Variants in CHD7 observed in about 807,000 individuals in gnomAD.
CHD7 encodes the protein chromodomain helicase DNA binding protein 7.
CHD7 carries 24 observed loss-of-function variants against 307.3 expected under a neutral mutation model. The observed-to-expected ratio is 0.08, with a 90% CI of 0.06 to 0.11. The LOEUF (loss-of-function observed/expected upper bound fraction) is 0.11. CHD7 is among the 10% of genes least tolerant of loss of function. The pLI, the probability that CHD7 is intolerant of heterozygous loss-of-function variation, is 1.00. For missense variants in CHD7, 3,106 were observed against 3,727.1 expected, an observed-to-expected ratio of 0.83 and a Z score of 4.34; for synonymous variants, 1,363 against 1,349.9, an observed-to-expected ratio of 1.01 and a Z score of -0.21.
rs369931146 is a variant in CHD7 at position 60,800,549 on chromosome 8, T to C, written c.2376+24T>C. The C allele has an allele frequency of 2.0e-5, 31 of 1,555,238 alleles. No individual in the cohort carries two copies. The African/African-American group carries it at 4.8e-4, about 24-fold the overall frequency. On this transcript the variant is annotated intron_variant, in intron 5 of 37. Coordinates refer to ENST00000423902, the MANE Select transcript of CHD7 (RefSeq NM_017780.4). ...AGGTTAGTACCAGATCTGTGGGATT[T>C]ATGGATGCATTTTAAAGATGGACTA...
At chr8:60,712,324 G>T (rs916216202) in intron 1 of CHD7, among the ~76,000 whole-genome samples, 1 of 152,110 alleles carries the variant, frequency 6.6e-6, no homozygotes, top group Non-Finnish European at 1.5e-5. Context: ...GTGGTGTTTG[G>T]TATCATTCTA....
intron 31 of CHD7, 26 bp downstream of exon 31, chr8:60,853,526 C>T: frequency 6.7e-7 from 1 of 1,483,606 alleles, no homozygotes; most frequent in Non-Finnish European, 9.0e-7. Flanking sequence ...TGGCCCCTCT[C>T]CTGACCCTGC....
chr8:60,793,952 G>A (rs1036253368), intron 3 of CHD7, among the ~76,000 whole-genome samples: 3 of 152,018 alleles, frequency 2.0e-5, no homozygotes, highest in Non-Finnish European at 4.4e-5. Context: ...GTGAAAGCCC[G>A]TCTCTACTAA....
At chr8:60,762,344 TCTC>T (rs2150623662) in intron 2 of CHD7, among the ~76,000 whole-genome samples, 2 of 152,258 alleles carry the variant, frequency 1.3e-5, no homozygotes, top group East Asian at 3.9e-4. Context: ...GGTCTGGGCT[TCTC>T]CTCCACACCA....
intron 12 of CHD7, 54 bp from the exon 13 acceptor site, chr8:60,823,786 A>G: frequency 7.0e-7 from 1 of 1,430,156 alleles, no homozygotes; most frequent in Non-Finnish European, 9.8e-7. Context: ...TTCATCCTTA[A>G]AGTTATTTAT....
chr8:60,853,041 A>C lies in CHD7; in HGVS notation c.6316A>C (p.Lys2106Gln), dbSNP rs371785675. 2 of 1,613,958 alleles carry C rather than the reference A, an allele frequency of 1.2e-6. No homozygotes were observed. Among genetic ancestry groups the C allele is most frequent in the Non-Finnish European group, 1.7e-6 (2 of 1,179,886 alleles). ...CCGAGACTTGCTGGTTGGTGCTGCT[A>C]AACACGGGGTCAGTCGGACGGATTA... ...HDRDLLVGAA[K>Q]HGVSRTDYHI... The change falls in exon 31 of 38, where the codon AAA (lysine) becomes CAA (glutamine). Residue 2106 changes from lysine (K) to glutamine (Q), a missense_variant. Around this residue, in one of 10 missense-constraint regions of CHD7, gnomAD observed 1,030 missense variants for 1,165.4 expected, o/e 0.88. Coordinates refer to ENST00000423902, the MANE Select transcript of CHD7 (RefSeq NM_017780.4).
At chr8:60,749,740 A>C (rs1401196265) in intron 2 of CHD7, among the ~76,000 whole-genome samples, 1 of 152,216 alleles carries the variant, frequency 6.6e-6, no homozygotes, top group African/African-American at 2.4e-5. Context: ...AGGCAAAAGA[A>C]ATCACTGCTT....
At chr8:60,776,677 ATG>A (rs1810969706) in intron 2 of CHD7, among the ~76,000 whole-genome samples, 1 of 152,164 alleles carries the variant, frequency 6.6e-6, no homozygotes, top group Non-Finnish European at 1.5e-5. Context: ...TAGATACCAA[ATG>A]CATCTTCTTT....
intron 6 of CHD7, among the ~76,000 whole-genome samples, chr8:60,807,241 C>T (rs915383425): frequency 2.0e-5 from 3 of 152,122 alleles, no homozygotes; most frequent in African/African-American, 4.8e-5. Flanking sequence ...CGAAGCATTT[C>T]GGAGGTGGCT....
intron 12 of CHD7, among the ~76,000 whole-genome samples, chr8:60,823,327 TTA>T (rs1172983633): frequency 6.6e-6 from 1 of 152,146 alleles, no homozygotes; most frequent in Non-Finnish European, 1.5e-5. Context: ...TAAAATAGTT[TTA>T]TGTTATGGGT....
At chr8:60,714,534 C>T (rs777435193) in intron 1 of CHD7, among the ~76,000 whole-genome samples, 3 of 152,110 alleles carry the variant, frequency 2.0e-5, no homozygotes, top group Non-Finnish European at 2.9e-5. Context: ...TCATCTCCAG[C>T]GCTGGCACCT....
At chr8:60,766,953 T>C (rs1200559666) in intron 2 of CHD7, among the ~76,000 whole-genome samples, 1 of 151,762 alleles carries the variant, frequency 6.6e-6, no homozygotes, top group Non-Finnish European at 1.5e-5. Flanking sequence ...ACAGATAGAG[T>C]TGAGATCCAA....
At chr8:60,767,765 C>T (rs1810541198) in intron 2 of CHD7, among the ~76,000 whole-genome samples, 2 of 152,190 alleles carry the variant, frequency 1.3e-5, no homozygotes, top group South Asian at 4.1e-4. Flanking sequence ...TTCTTCTCCC[C>T]TCTCTCTTCG....
At chr8:60,726,724 G>A (rs1340284511) in intron 1 of CHD7, among the ~76,000 whole-genome samples, 4 of 152,188 alleles carry the variant, frequency 2.6e-5, no homozygotes, top group Non-Finnish European at 5.9e-5. Flanking sequence ...TGGGCCCAGA[G>A]TGTTTTGTTG....
chr8:60,819,874 A>C, intron 8 of CHD7, 133 bp from the exon 9 acceptor site: 1 of 635,588 alleles, frequency 1.6e-6, no homozygotes, highest in Non-Finnish European at 2.7e-6. Context: ...ATTTCAATTA[A>C]TATAATAGAA....
chr8:60,698,177 A>G (rs963723957), intron 1 of CHD7, among the ~76,000 whole-genome samples: 5 of 152,254 alleles, frequency 3.3e-5, no homozygotes, highest in Non-Finnish European at 7.3e-5. Context: ...CTTACCTTGT[A>G]CATAAGCAAA....
At chr8:60,718,688 A>G (rs1807742142) in intron 1 of CHD7, among the ~76,000 whole-genome samples, 1 of 152,230 alleles carries the variant, frequency 6.6e-6, no homozygotes, top group South Asian at 2.1e-4. Flanking sequence ...TGAAGAAAGA[A>G]AAATTAATTT....
chr8:60,852,696 G>A lies in CHD7; in HGVS notation c.6093G>A (p.Lys2031=). 1 of 1,613,892 alleles carries A rather than the reference G, an allele frequency of 6.2e-7. No homozygotes were observed. The highest frequency in any genetic ancestry group is 1.3e-5 in the African/African-American group (1 of 75,000). The change falls in exon 30 of 38, where the codon AAG becomes AAA. Residue 2031 remains lysine, a synonymous_variant. Coordinates refer to ENST00000423902, the MANE Select transcript of CHD7 (RefSeq NM_017780.4). ...GGCGAGTATGTCGAATGCCCGTCAA[G>A]CCAGATGATGGTAGGTACATTTAGC... The part of the protein sequence containing the change: ...MCRRVCRMPV[K]PDDEPPDLSS...
intron 15 of CHD7, 144 bp downstream of exon 15, chr8:60,830,721 T>G: frequency 4.7e-6 from 4 of 853,824 alleles, no homozygotes; most frequent in Middle Eastern, 3.4e-4. Context: ...CTTCCCACTT[T>G]CTGTGATGCC....
Sources: allele counts gnomAD v4.1 joint callset (sites outside exome capture counted in the v4.1 genomes callset), GRCh38; gene constraint gnomAD v4.1.1; regional missense constraint gnomAD v4.1.1; transcripts MANE v1.5; gene names NCBI Gene and HGNC (gene_info 2026-07-23, HGNC 2026-07-21).